Variants in SETD1B observed in about 807,000 individuals in gnomAD.
SETD1B encodes the protein SET domain containing 1B, histone lysine methyltransferase.
A neutral mutation model predicts 148.0 loss-of-function variants in SETD1B; 7 were observed. The ratio of observed to expected loss-of-function variants is 0.05; its 90% CI spans 0.03 to 0.09. The LOEUF (loss-of-function observed/expected upper bound fraction) is 0.09. Among genes scored for constraint, SETD1B ranks in the 10% least tolerant of loss-of-function variants. The pLI, the probability that SETD1B is intolerant of heterozygous loss-of-function variation, is 1.00. For synonymous variants in SETD1B, 1,361 were observed against 1,186.5 expected (o/e 1.15, Z -3.02); for missense variants, 2,155 against 2,729.9 (o/e 0.79, Z 4.69).
the SETD1B span, chr12:121,793,395 C>A: frequency 1.3e-6 from 2 of 1,485,232 alleles, no homozygotes; most frequent in East Asian, 4.9e-5. Context: ...GGGTGGCGGC[C>A]GCCTGTCCGT....
intron 10 of SETD1B, among the ~76,000 whole-genome samples, chr12:121,818,579 A>C (rs1024480994): frequency 3.3e-5 from 5 of 150,094 alleles, no homozygotes; most frequent in African/African-American, 1.2e-4. Flanking sequence ...AATAATAAAT[A>C]AAATTTTTTT....
the SETD1B span, chr12:121,798,016 C>G: frequency 5.3e-6 from 1 of 188,744 alleles, no homozygotes; most frequent in Admixed American, 5.6e-5. Context: ...CCAACAGCAC[C>G]ACGCCAGTTA....
intron 11 of SETD1B, among the ~76,000 whole-genome samples, chr12:121,821,975 AG>A (rs1311156639): frequency 1.3e-5 from 2 of 152,156 alleles, no homozygotes; most frequent in African/African-American, 4.8e-5. Context: ...CCACCTACTC[AG>A]GAGCCTTAGG....
chr12:121,821,810 G>A (rs1876579986), intron 11 of SETD1B, among the ~76,000 whole-genome samples: 1 of 152,182 alleles, frequency 6.6e-6, no homozygotes, highest in Admixed American at 6.5e-5. Context: ...CTGTGGTCGG[G>A]CATGGTGGCT....
In SETD1B at chr12:121,810,844, G is replaced by A. The variant is rs371405877; in HGVS notation, c.1890+9G>A. 117 of 1,485,142 alleles carry A rather than the reference G, an allele frequency of 7.9e-5. No homozygotes were observed. In the African/African-American group the frequency reaches 1.1e-3, roughly 14 times the overall value. 92.0% of individuals were successfully genotyped at this position (1,485,142 alleles called of 1,614,324 possible). Reference sequence around the variant, plus strand: ...CAGAGAAGATGGATGAGGTACCACCGTGTCTGTCCATCTGTCTGGGACTGG... The same window carrying A: ...CAGAGAAGATGGATGAGGTACCACCATGTCTGTCCATCTGTCTGGGACTGG... On this transcript the variant is annotated intron_variant, in intron 6 of 16. Transcript: ENST00000604567. The surrounding 1 kb of genome is among the most constrained non-coding windows in gnomAD (Gnocchi z 7.6).
rs372668133 is a variant in SETD1B at position 121,822,573 on chromosome 12, C to T, written c.3994C>T (p.Arg1332Trp). 2.8e-4 allele frequency: 442 copies of T among 1,551,412 alleles called. 4 individuals are homozygous for T. In the South Asian group the frequency reaches 3.3e-3, roughly 12 times the overall value. Residue 1332 changes from arginine to tryptophan, a missense_variant, in exon 12 of 17, where the codon CGG becomes TGG. Physicochemically the swap from Arg to Trp is moderately radical, Grantham distance 101 (BLOSUM62 -3). Coordinates refer to ENST00000604567, the MANE Select transcript of SETD1B (RefSeq NM_001353345.2). ...ACCATTGCCGCCCCCACGACCACCCCGGCCACCCAGCCCACCGCCGGAGCC... is the reference window on the plus strand; with the variant it reads ...ACCATTGCCGCCCCCACGACCACCCTGGCCACCCAGCCCACCGCCGGAGCC... ...QPPLPPPRPP[R>W]PPSPPPEPET...
intron 4 of SETD1B, among the ~76,000 whole-genome samples, chr12:121,806,317 C>T (rs984321129): frequency 2.6e-5 from 4 of 151,928 alleles, no homozygotes; most frequent in Non-Finnish European, 4.4e-5. Flanking sequence ...CCAAATGTGC[C>T]GGTCCTTGGC....
the SETD1B span, chr12:121,795,776 C>A: frequency 6.5e-6 from 1 of 152,726 alleles, no homozygotes; most frequent in Admixed American, 6.5e-5. Flanking sequence ...ATCACTGGAG[C>A]CCATAGGAGG....
chr12:121,807,843 G>A (rs1204357043), intron 4 of SETD1B, among the ~76,000 whole-genome samples: 1 of 151,882 alleles, frequency 6.6e-6, no homozygotes, highest in Admixed American at 6.6e-5. Context: ...GCAAGCCCCT[G>A]GGTATTGAGC....
At position 121,830,572 on chromosome 12, in the gene SETD1B, A is replaced by T; in HGVS notation, c.*333A>T. ...TCTGTCTCTTCTCTCTCCCACCATC[A>T]CCCTCGGCCTCTTCCTGTGAATGCT... is the stretch of plus-strand genomic sequence containing the variant. On this transcript the variant is annotated 3_prime_UTR_variant, in exon 17 of 17. Coordinates refer to ENST00000604567, the MANE Select transcript of SETD1B (RefSeq NM_001353345.2). The surrounding 1 kb of genome is among the most constrained non-coding windows in gnomAD (Gnocchi z 5.7). The T allele has an allele frequency of 4.5e-6, 1 of 224,316 alleles. No individual in the cohort carries two copies. Among genetic ancestry groups the T allele is most frequent in the Non-Finnish European group, 8.7e-6 (1 of 114,906 alleles). 13.9% of individuals were successfully genotyped at this position (224,316 alleles called of 1,614,324 possible).
chr12:121,814,450 G>T lies in SETD1B; in HGVS notation c.2235G>T (p.Leu745=). 1 of 1,435,156 alleles carries T rather than the reference G, an allele frequency of 7.0e-7. No individual in the cohort carries two copies. 88.9% of individuals were successfully genotyped at this position (1,435,156 alleles called of 1,614,324 possible). A position where few individuals can be genotyped will look rare whatever the true frequency, so the allele number is the denominator to read the frequency against. ...GVPPPPILPP[L]PPFPPGLFPV... ...CGCCCCCACCCATCCTGCCACCACT[G>T]CCCCCCTTTCCGCCGGGCCTGTTCC... The change falls in exon 7 of 17, where the codon CTG becomes CTT. Residue 745 remains leucine (L), a synonymous_variant. Coordinates refer to ENST00000604567, the MANE Select transcript of SETD1B (RefSeq NM_001353345.2).
chr12:121,805,827 C>G lies in SETD1B; in HGVS notation c.274-8C>G. 1 of 1,550,756 alleles carries G rather than the reference C, an allele frequency of 6.4e-7. No individual in the cohort carries two copies. Among genetic ancestry groups the G allele is most frequent in the Non-Finnish European group, 8.7e-7 (1 of 1,146,328 alleles). ...CTTCAAACTCCCTTCCCCCTCGGCC[C>G]CTGCCAGATCGATGAGTTCTACGTG... On this transcript the variant is annotated splice_polypyrimidine_tract_variant and splice_region_variant and intron_variant, in intron 3 of 16. Transcript: ENST00000604567. The surrounding 1 kb of genome is among the most constrained non-coding windows in gnomAD (Gnocchi z 4.2).
At chr12:121,794,687 T>G in the SETD1B span, among the ~76,000 whole-genome samples, 3 of 152,112 alleles carry the variant, frequency 2.0e-5, no homozygotes, top group Admixed American at 1.3e-4. Context: ...CTGGCTGAAT[T>G]ACCCGTAACC....
rs1390697893 is a variant in SETD1B at position 121,819,492 on chromosome 12, G to A, written c.3507G>A (p.Glu1169=). ...CTTCTGAGTTTGAGTCAAGCTCCGAGTCCTCGCCCTCATCCTCGGAGGATG... is the reference window on the plus strand; with the variant it reads ...CTTCTGAGTTTGAGTCAAGCTCCGAATCCTCGCCCTCATCCTCGGAGGATG... The part of the protein sequence containing the change: ...SESSEFESSS[E]SSPSSSEDEE... Residue 1169 remains glutamate (E), a synonymous_variant, in exon 11 of 17, where the codon GAG becomes GAA. Transcript: ENST00000604567. 3 of 1,552,266 alleles carry A rather than the reference G, an allele frequency of 1.9e-6. No homozygotes were observed. The highest frequency in any genetic ancestry group is 2.4e-5 in the East Asian group (1 of 40,918).
At chr12:121,822,009 G>A (rs1430800936) in intron 11 of SETD1B, among the ~76,000 whole-genome samples, 1 of 152,150 alleles carries the variant, frequency 6.6e-6, no homozygotes, top group Admixed American at 6.5e-5. Context: ...TTGAGCCCTG[G>A]CGGTCTAGGC....
chr12:121,799,731 T>TGGGGGGGGG (rs1308261766), upstream of SETD1B: 1 of 31,716 alleles, frequency 3.2e-5, no homozygotes, highest in Admixed American at 3.0e-4. Flanking sequence ...GGGGGGGGGG[T>TGGGGGGGGG]GGGGTGGGGC....
intron 7 of SETD1B, among the ~76,000 whole-genome samples, chr12:121,816,017 G>A (rs1566552644): frequency 1.3e-5 from 2 of 150,066 alleles, no homozygotes; most frequent in Non-Finnish European, 3.0e-5. Context: ...TAGTAGAGAT[G>A]GGGTTTCACC....
rs1875693955 is a variant in SETD1B at position 121,805,532 on chromosome 12, C to G, written c.274-303C>G. ...CTTAAGCCTGAGGGGTCGCCCCTGA[C>G]CCGGCAGCAGGAAGAGAAGGCCAGA... On this transcript the variant is annotated intron_variant, in intron 3 of 16. Coordinates refer to ENST00000604567, the MANE Select transcript of SETD1B (RefSeq NM_001353345.2). This position sits in a 1 kb window ranked among gnomAD's most constrained non-coding sequence, Gnocchi z 4.2. Among the ~76,000 whole-genome samples the G allele has an allele frequency of 6.6e-6, 1 of 152,100 alleles. No individual in the cohort carries two copies. Among genetic ancestry groups the G allele is most frequent in the Admixed American group, 6.5e-5 (1 of 15,276 alleles).
the SETD1B span, among the ~76,000 whole-genome samples, chr12:121,790,278 C>T: frequency 3.1e-3 from 467 of 152,344 alleles, 1 homozygote; most frequent in Middle Eastern, 0.031. Context: ...CTCTGGTGGC[C>T]ACCAGTCGGG....
Sources: allele counts gnomAD v4.1 joint callset (sites outside exome capture counted in the v4.1 genomes callset), GRCh38; gene constraint gnomAD v4.1.1; non-coding constraint Gnocchi (gnomAD v3.1); transcripts MANE v1.5; gene names NCBI Gene and HGNC (gene_info 2026-07-23, HGNC 2026-07-21).